The following SPOP variants were observed in gnomAD, a reference collection of about 807,000 sequenced individuals.
SPOP encodes speckle-type POZ protein.
In SPOP, 11 loss-of-function variants were observed where a neutral mutation model predicts 45.6. That is an observed-to-expected ratio of 0.24 (90% CI 0.15 to 0.40). The LOEUF (loss-of-function observed/expected upper bound fraction) is 0.40, where lower values mean the gene tolerates loss of function less well. Ranked by LOEUF, SPOP falls within the 10% of genes least tolerant of loss-of-function variation. The pLI, the probability that SPOP is intolerant of heterozygous loss-of-function variation, is 1.00. For missense variants in SPOP, 152 were observed against 465.6 expected (o/e 0.33, Z 6.20); for synonymous variants, 166 against 166.3 (o/e 1.00, Z 0.01).
intron 9 of SPOP, 74 bp downstream of exon 9, chr17:49,601,791 C>T: frequency 6.3e-7 from 1 of 1,578,642 alleles, no homozygotes; most frequent in South Asian, 1.1e-5. Flanking sequence ...GCTTTACCCA[C>T]TAATTCAAAG....
At chr17:49,656,187 T>C (rs2072911081) in intron 1 of SPOP, among the ~76,000 whole-genome samples, 1 of 152,162 alleles carries the variant, frequency 6.6e-6, no homozygotes, top group South Asian at 2.1e-4. Flanking sequence ...AACTCTTTGA[T>C]ATTACAAAAG....
chr17:49,606,638 T>C (rs941198019), intron 8 of SPOP, among the ~76,000 whole-genome samples: 3 of 151,204 alleles, frequency 2.0e-5, no homozygotes, highest in Non-Finnish European at 4.4e-5. Flanking sequence ...GGACTACAAG[T>C]GTGCACCATC....
intron 2 of SPOP, chr17:49,622,452 A>G (rs2143298632): frequency 1.9e-6 from 1 of 527,222 alleles, no homozygotes. Context: ...TGTTTCCCCA[A>G]CAGAGGAAAC....
chr17:49,602,054 G>A (rs1256410125), intron 8 of SPOP, 47 bp from the exon 9 acceptor site: 2 of 1,603,788 alleles, frequency 1.2e-6, no homozygotes, highest in Non-Finnish European at 1.7e-6. Context: ...ATAGTTCTGG[G>A]CTGACCACTA....
At chr17:49,643,905 G>A (rs1381717303) in intron 1 of SPOP, among the ~76,000 whole-genome samples, 1 of 148,676 alleles carries the variant, frequency 6.7e-6, no homozygotes, top group Non-Finnish European at 1.5e-5. Flanking sequence ...ACTCCAGCCT[G>A]AGCGACAGAG....
Position 49,666,485 on chromosome 17 carries a change from ACACACACAC to A in SPOP, c.-67+11439_-67+11447del, listed in dbSNP as rs2073061082. 2.0e-5 allele frequency among the ~76,000 whole-genome samples: 3 copies of A among 148,268 alleles called. No homozygotes were observed. The South Asian group carries it at 6.3e-4, about 31-fold the overall frequency. ...CACACACACACACACACACACACAC[ACACACACAC>A]CCATATAGGAACAATATAATAAATC... On this transcript the variant is annotated intron_variant, in intron 1 of 9. Coordinates refer to ENST00000504102, the MANE Select transcript of SPOP (RefSeq NM_001007228.2).
chr17:49,673,424 T>C (rs1463581742), intron 1 of SPOP, among the ~76,000 whole-genome samples: 2 of 151,904 alleles, frequency 1.3e-5, no homozygotes, highest in African/African-American at 4.8e-5. Flanking sequence ...GAGAATGGCA[T>C]GAACCCAGGA....
chr17:49,614,802 A>AGTGTGTGTGTGTGTGT (rs60134980), intron 5 of SPOP, among the ~76,000 whole-genome samples: 70 of 147,070 alleles, frequency 4.8e-4, no homozygotes, highest in African/African-American at 1.4e-3. Context: ...CATGCTATGA[A>AGTGTGTGTGTGTGTGT]GTGTGTGTGT....
At chr17:49,676,496 T>C (rs1455900074) in intron 1 of SPOP, among the ~76,000 whole-genome samples, 1 of 152,096 alleles carries the variant, frequency 6.6e-6, no homozygotes, top group Non-Finnish European at 1.5e-5. Flanking sequence ...GAGTTAACAG[T>C]GGCAGCCAAA....
At chr17:49,657,696 CTTTTTTTTTTTTT>C (rs34194099) in intron 1 of SPOP, among the ~76,000 whole-genome samples, 9 of 100,956 alleles carry the variant, frequency 8.9e-5, no homozygotes, top group African/African-American at 2.7e-4. Context: ...CGCACCCGGC[CTTTTTTTTTTTTT>C]TTTTTTTTTG....
rs547234547 is a variant in SPOP, at chr17:49,659,070, G to C, written c.-67+18863C>G. 7.2e-5 allele frequency among the ~76,000 whole-genome samples: 11 copies of C among 152,286 alleles called. No homozygotes were observed. The East Asian group carries it at 2.1e-3, about 29-fold the overall frequency. On this transcript the variant is annotated intron_variant, in intron 1 of 9. Transcript: ENST00000504102. ...AATAGAAAGAAGGGCAGTATAGCTT[G>C]AACACGGTCATCAAAGGAAAACACT...
At chr17:49,604,498 G>A (rs1459134299) in intron 8 of SPOP, among the ~76,000 whole-genome samples, 1 of 152,156 alleles carries the variant, frequency 6.6e-6, no homozygotes, top group Non-Finnish European at 1.5e-5. Context: ...ACAAAGGGAG[G>A]TAGGAGACTA....
intron 1 of SPOP, among the ~76,000 whole-genome samples, chr17:49,664,100 T>A (rs1342523468): frequency 6.6e-6 from 1 of 152,232 alleles, no homozygotes; most frequent in East Asian, 1.9e-4. Context: ...GTTAATGGAT[T>A]TTAATGTAAC....
At chr17:49,666,286 T>C (rs1302873642) in intron 1 of SPOP, among the ~76,000 whole-genome samples, 1 of 151,882 alleles carries the variant, frequency 6.6e-6, no homozygotes, top group Non-Finnish European at 1.5e-5. Context: ...CAGGGTTATC[T>C]TTATGAAAAA....
Position 49,662,600 on chromosome 17 carries a change from T to C in SPOP, c.-67+15333A>G, listed in dbSNP as rs1193594359. On this transcript the variant is annotated intron_variant, in intron 1 of 9. Transcript: ENST00000504102. Reference sequence around the variant, plus strand: ...TACTCGGGAGGTTGAGGCAGGACAGTCGCTTGAACCTGGGAGGCGGAGGTT... The same window carrying C: ...TACTCGGGAGGTTGAGGCAGGACAGCCGCTTGAACCTGGGAGGCGGAGGTT... Among the ~76,000 whole-genome samples, 3 of 151,620 alleles carry C rather than the reference T, an allele frequency of 2.0e-5. No individual in the cohort carries two copies. In the East Asian group the frequency reaches 5.8e-4, roughly 29 times the overall value.
chr17:49,641,263 C>CAA (rs34207707), intron 1 of SPOP, among the ~76,000 whole-genome samples: 32 of 47,562 alleles, frequency 6.7e-4, no homozygotes, highest in South Asian at 1.2e-3. Context: ...ACTCTGTCTC[C>CAA]AAAAAAAAAA....
intron 1 of SPOP, among the ~76,000 whole-genome samples, chr17:49,645,427 G>A (rs2072738166): frequency 6.6e-6 from 1 of 151,696 alleles, no homozygotes; most frequent in African/African-American, 2.4e-5. Flanking sequence ...AGCCTCCTAA[G>A]TAGCTGGGAT....
At chr17:49,676,374 T>C (rs990286750) in intron 1 of SPOP, among the ~76,000 whole-genome samples, 1 of 152,164 alleles carries the variant, frequency 6.6e-6, no homozygotes, top group Non-Finnish European at 1.5e-5. Flanking sequence ...GTTCTAACTG[T>C]AACCATGGCA....
intron 1 of SPOP, among the ~76,000 whole-genome samples, chr17:49,647,549 C>T (rs184279413): frequency 3.3e-5 from 5 of 152,012 alleles, no homozygotes; most frequent in South Asian, 2.1e-4. Context: ...AGCGCAATCT[C>T]GGCTCACTGC....
Sources: gnomAD v4.1 joint callset for allele counts (sites outside exome capture counted in the v4.1 genomes callset) on GRCh38, gnomAD v4.1.1 for gene constraint, MANE v1.5 for transcripts, NCBI Gene and HGNC (gene_info 2026-07-23, HGNC 2026-07-21) for gene names.